Variants in RFWD3 observed in about 807,000 individuals in gnomAD.
RFWD3 encodes the protein E3 ubiquitin-protein ligase RFWD3.
In RFWD3, 65 loss-of-function variants were observed where a neutral mutation model predicts 87.7. The ratio of observed to expected loss-of-function variants is 0.74; its 90% CI spans 0.61 to 0.91. The LOEUF (loss-of-function observed/expected upper bound fraction) is 0.91. Ranked by LOEUF, RFWD3 falls within the 40% of genes least tolerant of loss-of-function variation. The pLI is 0.00. For missense variants in RFWD3, 1,078 were observed against 938.5 expected (o/e 1.15, Z -1.94); for synonymous variants, 433 against 352.8 (o/e 1.23, Z -2.55).
At chr16:74,658,132 T>C (rs1961142555) in intron 2 of RFWD3, among the ~76,000 whole-genome samples, 1 of 152,170 alleles carries the variant, frequency 6.6e-6, no homozygotes, top group Non-Finnish European at 1.5e-5. Flanking sequence ...GAAATTCTCC[T>C]CCTTCCCTGC....
At position 74,644,597 on chromosome 16, in the gene RFWD3, A is replaced by G; in HGVS notation, c.931T>C (p.Phe311Leu). The G allele has an allele frequency of 6.2e-7, 1 of 1,614,200 alleles. No homozygotes were observed. Among genetic ancestry groups the G allele is most frequent in the East Asian group, 2.2e-5 (1 of 44,878 alleles). Residue 311 changes from phenylalanine (F) to leucine (L), a missense_variant, in exon 5 of 13, where the codon TTT becomes CTT. Physicochemically the swap from Phe to Leu is conservative, Grantham distance 22. Coordinates refer to ENST00000361070, the MANE Select transcript of RFWD3 (RefSeq NM_018124.4). The stretch of plus-strand genomic sequence containing the variant: ...CACGTGGAAATGCACCTATACCCAA[A>G]GAGATGCCCACAGCGTAATGCTGAG... The part of the protein sequence containing the change: ...RLSALRCGHL[F>L]GYRCISTWLK...
intron 11 of RFWD3, among the ~76,000 whole-genome samples, chr16:74,627,673 C>T (rs1210550030): frequency 6.6e-6 from 1 of 152,196 alleles, no homozygotes; most frequent in African/African-American, 2.4e-5. Context: ...ACAAGGGTAC[C>T]TGCCAGTACA....
intron 4 of RFWD3, among the ~76,000 whole-genome samples, chr16:74,647,138 A>AT (rs962388243): frequency 1.3e-5 from 2 of 152,160 alleles, no homozygotes; most frequent in Non-Finnish European, 2.9e-5. Flanking sequence ...GCTCTCCAAG[A>AT]TGTACTAAGC....
At chr16:74,651,238 T>C (rs1227478197) in intron 3 of RFWD3, among the ~76,000 whole-genome samples, 1 of 152,204 alleles carries the variant, frequency 6.6e-6, no homozygotes, top group Non-Finnish European at 1.5e-5. Context: ...TAAATAAAGT[T>C]CCACTTGCAT....
chr16:74,656,392 AT>A (rs939264034), intron 2 of RFWD3, among the ~76,000 whole-genome samples: 1 of 147,268 alleles, frequency 6.8e-6, no homozygotes, highest in African/African-American at 2.5e-5. Context: ...TTTTTATTTT[AT>A]TTTTTTTAAT....
At chr16:74,662,657 C>A (rs138352411) in intron 1 of RFWD3, among the ~76,000 whole-genome samples, 1 of 152,132 alleles carries the variant, frequency 6.6e-6, no homozygotes, top group Non-Finnish European at 1.5e-5. Flanking sequence ...GAAATCAGTG[C>A]ATAGGTCCCT....
At chr16:74,633,094 C>T (rs752202050) in intron 8 of RFWD3, among the ~76,000 whole-genome samples, 5 of 151,868 alleles carry the variant, frequency 3.3e-5, no homozygotes, top group African/African-American at 9.7e-5. Context: ...CTGGCCAACA[C>T]AGTGAAACCC....
At position 74,621,995 on chromosome 16, in the gene RFWD3, A is replaced by C. The variant is rs1958785263; in HGVS notation, c.*1933T>G. The C allele has an allele frequency of 6.6e-6, 1 of 152,222 alleles. No individual in the cohort carries two copies. Among genetic ancestry groups the C allele is most frequent in the Non-Finnish European group, 1.5e-5 (1 of 68,052 alleles). The allele number at this position is 152,222 out of a possible 1,614,324, so 9.4% of individuals were successfully genotyped here. A position where few individuals can be genotyped will look rare whatever the true frequency, so the allele number is the denominator to read the frequency against. ...CATCCAAATTTAATGTACTAATGCA[A>C]GGACTGGTAAGACTTAAGATTCACA... On this transcript the variant is annotated 3_prime_UTR_variant, in exon 13 of 13. Transcript: ENST00000361070.
rs747571282 is a variant in RFWD3 at position 74,624,071 on chromosome 16, G to A, written c.2182C>T (p.Leu728=). 6.2e-7 allele frequency: 1 copy of A among 1,613,636 alleles called. No individual in the cohort carries two copies. The highest frequency in any genetic ancestry group is 1.1e-5 in the South Asian group (1 of 91,020). ...AACGAGCCACTGGCAGCATCCCACA[G>A]CTAAAGAACACAAGCAGAGGGAAGG... ...TGDEAANSAL[L]WDAASGSLLQ... is the part of the protein sequence containing the mutation. Residue 728 remains leucine (L), a splice_region_variant and synonymous_variant, in exon 13 of 13, where the codon CTG becomes TTG. Transcript: ENST00000361070.
intron 2 of RFWD3, among the ~76,000 whole-genome samples, chr16:74,654,542 A>T (rs75203104): frequency 6.6e-6 from 1 of 151,964 alleles, no homozygotes; most frequent in South Asian, 2.1e-4. Context: ...GAGACAAAAC[A>T]ATACTGAAAT....
At chr16:74,654,343 G>C (rs570328890) in intron 2 of RFWD3, among the ~76,000 whole-genome samples, 7 of 151,626 alleles carry the variant, frequency 4.6e-5, no homozygotes, top group Non-Finnish European at 7.4e-5. Flanking sequence ...ATTTCTTTCT[G>C]TCTGCCTGTG....
At position 74,652,075 on chromosome 16, in the gene RFWD3, G is replaced by A; in HGVS notation, c.566C>T (p.Pro189Leu). The change falls in exon 3 of 13, where the codon CCT becomes CTT. Residue 189 changes from proline (P) to leucine (L), a missense_variant. Coordinates refer to ENST00000361070, the MANE Select transcript of RFWD3 (RefSeq NM_018124.4). ...DAYFQVSRTQ[P>L]DLPATTYDSE... ...ATCATAAGTGGTAGCTGGCAAGTCA[G>A]GCTGGGTCCTGCTCACCTGAAAGTA... 6.2e-7 allele frequency: 1 copy of A among 1,614,132 alleles called. No homozygotes were observed. The highest frequency in any genetic ancestry group is 1.1e-5 in the South Asian group (1 of 91,080).
intron 7 of RFWD3, 41 bp downstream of exon 7, chr16:74,637,815 C>G: frequency 7.0e-7 from 1 of 1,422,862 alleles, no homozygotes; most frequent in Non-Finnish European, 9.9e-7. Flanking sequence ...CTCTTCCATT[C>G]CTATTCCAAA....
Position 74,637,840 on chromosome 16 carries a change from G to T in RFWD3, c.1194+16C>A. On this transcript the variant is annotated intron_variant, in intron 7 of 12. Coordinates refer to ENST00000361070, the MANE Select transcript of RFWD3 (RefSeq NM_018124.4). ...CCTATTCCAAAAGTTCTTTGGATTA[G>T]AAAGGACAAACGTACCTGAACACGC... 1.3e-6 allele frequency: 2 copies of T among 1,589,676 alleles called. No individual in the cohort carries two copies. The highest frequency in any genetic ancestry group is 2.2e-5 in the East Asian group (1 of 44,632).
chr16:74,624,926 C>G (rs1406563494), intron 12 of RFWD3, among the ~76,000 whole-genome samples: 1 of 152,114 alleles, frequency 6.6e-6, no homozygotes, highest in South Asian at 2.1e-4. Context: ...GAGTTTGAGG[C>G]TACAGTGAAC....
At chr16:74,634,719 C>A (rs1015045895) in intron 8 of RFWD3, among the ~76,000 whole-genome samples, 1 of 151,316 alleles carries the variant, frequency 6.6e-6, no homozygotes, top group Admixed American at 6.6e-5. Context: ...ACGTCAAATC[C>A]TAGATTCAAG....
At position 74,623,259 on chromosome 16, in the gene RFWD3, C is replaced by T. The variant is rs1958817135; in HGVS notation, c.*669G>A. On this transcript the variant is annotated 3_prime_UTR_variant, in exon 13 of 13. Coordinates refer to ENST00000361070, the MANE Select transcript of RFWD3 (RefSeq NM_018124.4). ...ATTAGCAAAGGGAATCGTTCACTAG[C>T]TGCTTCCATCACTGGGCCTGCCAAT... 1 of 152,686 alleles carries T rather than the reference C, an allele frequency of 6.5e-6. No individual in the cohort carries two copies. The highest frequency in any genetic ancestry group is 1.5e-5 in the Non-Finnish European group (1 of 68,054). The allele number at this position is 152,686 out of a possible 1,614,324, so 9.5% of individuals were successfully genotyped here.
At chr16:74,646,907 C>T (rs1960191147) in intron 4 of RFWD3, among the ~76,000 whole-genome samples, 1 of 13,076 alleles carries the variant, frequency 7.6e-5, no homozygotes, top group Admixed American at 9.5e-4. Context: ...CCCGTCTCAA[C>T]AACAACAACA....
intron 1 of RFWD3, among the ~76,000 whole-genome samples, chr16:74,662,124 C>T (rs1169582558): frequency 2.6e-5 from 4 of 151,740 alleles, no homozygotes; most frequent in Admixed American, 6.6e-5. Context: ...AAAACTACCA[C>T]CTAGTTTTTA....
Sources: gnomAD v4.1 joint callset for allele counts (sites outside exome capture counted in the v4.1 genomes callset) on GRCh38, gnomAD v4.1.1 for gene constraint, MANE v1.5 for transcripts, NCBI Gene and HGNC (gene_info 2026-07-23, HGNC 2026-07-21) for gene names.